MBOAT1: variants seen among roughly 807,000 people sequenced by gnomAD.
MBOAT1 encodes membrane-bound glycerophospholipid O-acyltransferase 1.
A neutral mutation model predicts 64.4 loss-of-function variants in MBOAT1; 67 were observed. The ratio of observed to expected loss-of-function variants is 1.04; its 90% CI spans 0.85 to 1.27. The LOEUF (loss-of-function observed/expected upper bound fraction) is 1.27. MBOAT1 is among the 50% of genes most tolerant of loss of function. MBOAT1 has a pLI of 0.00. For missense variants in MBOAT1, 563 were observed against 604.6 expected (o/e 0.93, Z 0.72); for synonymous variants, 229 against 218.9 (o/e 1.05, Z -0.41).
At chr6:20,185,411 G>A (rs1024754050) in intron 1 of MBOAT1, among the ~76,000 whole-genome samples, 3 of 152,156 alleles carry the variant, frequency 2.0e-5, no homozygotes, top group African/African-American at 7.2e-5. Context: ...ATTTCAGTAA[G>A]GCAGGTTACC....
chr6:20,153,188 G>T (rs549894642), intron 1 of MBOAT1, among the ~76,000 whole-genome samples: 2 of 152,270 alleles, frequency 1.3e-5, no homozygotes, highest in South Asian at 4.1e-4. Context: ...ACTTGGATTT[G>T]TTCTTTCTCC....
intron 1 of MBOAT1, among the ~76,000 whole-genome samples, chr6:20,189,730 T>C (rs1279211312): frequency 6.6e-6 from 1 of 152,170 alleles, no homozygotes; most frequent in Admixed American, 6.5e-5. Context: ...CTCTACTCTC[T>C]GCTTCTATGA....
intron 7 of MBOAT1, 147 bp downstream of exon 7, chr6:20,126,370 A>C (rs1389148656): frequency 1.4e-5 from 10 of 718,038 alleles, no homozygotes; most frequent in Non-Finnish European, 2.3e-5. Flanking sequence ...ACTGCTGCAA[A>C]TAAGTAACTA....
chr6:20,142,115 A>G (rs1322987233), intron 4 of MBOAT1, among the ~76,000 whole-genome samples: 1 of 152,194 alleles, frequency 6.6e-6, no homozygotes, highest in Non-Finnish European at 1.5e-5. Flanking sequence ...ATAGGTATTA[A>G]TGTCATTTCA....
chr6:20,168,113 A>G (rs1167135182), intron 1 of MBOAT1, among the ~76,000 whole-genome samples: 3 of 152,152 alleles, frequency 2.0e-5, no homozygotes, highest in Non-Finnish European at 1.5e-5. Context: ...TTCTTTCCCA[A>G]ATGAGATTTG....
intron 1 of MBOAT1, among the ~76,000 whole-genome samples, chr6:20,163,281 A>G (rs1364376385): frequency 6.6e-6 from 1 of 152,234 alleles, no homozygotes; most frequent in South Asian, 2.1e-4. Context: ...CCTGTCCACA[A>G]GCACGCTGTT....
chr6:20,144,405 C>T, intron 3 of MBOAT1, 90 bp from the exon 4 acceptor site: 1 of 918,798 alleles, frequency 1.1e-6, no homozygotes. Context: ...TCATCCTTCA[C>T]GTGCAGTTGG....
intron 1 of MBOAT1, among the ~76,000 whole-genome samples, chr6:20,210,290 C>G (rs1359957826): frequency 6.6e-6 from 1 of 152,144 alleles, no homozygotes; most frequent in Non-Finnish European, 1.5e-5. Flanking sequence ...CCAGGTCAGT[C>G]TGACATCTAA....
rs116529581 is a variant in MBOAT1 at position 20,183,535 on chromosome 6, T to C, written c.99+28601A>G. Reference sequence around the variant, plus strand: ...CTATCCAACATCAGTATTTTCATCCTGTTTATTAGCTGTGTAAGTCAAAGG... The same window carrying C: ...CTATCCAACATCAGTATTTTCATCCCGTTTATTAGCTGTGTAAGTCAAAGG... On this transcript the variant is annotated intron_variant, in intron 1 of 12. Coordinates refer to ENST00000324607, the MANE Select transcript of MBOAT1 (RefSeq NM_001080480.3). Among the ~76,000 whole-genome samples, 368 of 152,378 alleles carry C rather than the reference T, an allele frequency of 2.4e-3. 1 individual carries two copies. Among genetic ancestry groups the C allele is most frequent in the Non-Finnish European group, 4.2e-3 (284 of 68,040 alleles).
rs3057688 is a variant in MBOAT1 at position 20,134,902 on chromosome 6, C to CT, written c.420-3704dup. Among the ~76,000 whole-genome samples, 413 of 104,718 alleles carry CT rather than the reference C, an allele frequency of 3.9e-3. 3 individuals are homozygous for CT. The highest frequency in any genetic ancestry group is 0.013 in the African/African-American group (367 of 27,868). The allele number at this position is 104,718 out of a possible 152,430, so 68.7% of individuals were successfully genotyped here. A position where few individuals can be genotyped will look rare whatever the true frequency, so the allele number is the denominator to read the frequency against. On this transcript the variant is annotated intron_variant, in intron 4 of 12. Coordinates refer to ENST00000324607, the MANE Select transcript of MBOAT1 (RefSeq NM_001080480.3). The stretch of plus-strand genomic sequence containing the variant: ...TTGGTTTATGATTGGAATTCATGTT[C>CT]TTTTTTTTTTTTTTTTTTTTTGCAA...
intron 10 of MBOAT1, among the ~76,000 whole-genome samples, chr6:20,113,942 G>T (rs558217822): frequency 2.0e-5 from 3 of 152,230 alleles, no homozygotes; most frequent in Admixed American, 2.0e-4. Flanking sequence ...TAAGCACTAT[G>T]GTGCTCTCTT....
intron 3 of MBOAT1, among the ~76,000 whole-genome samples, chr6:20,149,389 TG>T (rs1761424594): frequency 6.6e-6 from 1 of 152,178 alleles, no homozygotes; most frequent in Non-Finnish European, 1.5e-5. Flanking sequence ...TGGGAAGAGC[TG>T]ACAAGCTGCA....
intron 1 of MBOAT1, among the ~76,000 whole-genome samples, chr6:20,196,296 C>T (rs1242969848): frequency 6.6e-6 from 1 of 152,172 alleles, no homozygotes; most frequent in Non-Finnish European, 1.5e-5. Flanking sequence ...AACATAAGCA[C>T]CCAATCAAAA....
chr6:20,197,418 G>A (rs1363369355), intron 1 of MBOAT1, among the ~76,000 whole-genome samples: 1 of 152,120 alleles, frequency 6.6e-6, no homozygotes, highest in Non-Finnish European at 1.5e-5. Context: ...TGTGGACAAA[G>A]GACAGGCAGA....
chr6:20,126,182 T>C (rs79580094), intron 7 of MBOAT1, among the ~76,000 whole-genome samples: 432 of 152,272 alleles, frequency 2.8e-3, no homozygotes, highest in African/African-American at 9.5e-3. Flanking sequence ...CCATATCATC[T>C]TTTGGCTGTA....
At chr6:20,111,829 TATATACAC>T (rs1278660538) in intron 11 of MBOAT1, among the ~76,000 whole-genome samples, 1 of 122,844 alleles carries the variant, frequency 8.1e-6, no homozygotes, top group African/African-American at 3.2e-5. Context: ...TATATACATA[TATATACAC>T]ATATATATAC....
intron 1 of MBOAT1, among the ~76,000 whole-genome samples, chr6:20,195,605 C>G (rs1762931887): frequency 6.7e-6 from 1 of 149,536 alleles, no homozygotes; most frequent in Non-Finnish European, 1.5e-5. Context: ...AATAAATTGC[C>G]TGTGTGTGTG....
chr6:20,127,383 A>C (rs932773402), intron 6 of MBOAT1, among the ~76,000 whole-genome samples: 2 of 152,208 alleles, frequency 1.3e-5, no homozygotes, highest in African/African-American at 4.8e-5. Flanking sequence ...CCCCTATAGC[A>C]GGGATTCCCA....
At chr6:20,183,992 C>CA (rs1311364897) in intron 1 of MBOAT1, among the ~76,000 whole-genome samples, 3 of 152,214 alleles carry the variant, frequency 2.0e-5, no homozygotes, top group African/African-American at 7.2e-5. Flanking sequence ...ATGAGAATAG[C>CA]ATAGGAAAGA....
Sources: allele counts gnomAD v4.1 joint callset (sites outside exome capture counted in the v4.1 genomes callset), GRCh38; gene constraint gnomAD v4.1.1; transcripts MANE v1.5; gene names NCBI Gene and HGNC (gene_info 2026-07-23, HGNC 2026-07-21).